The following SRGAP1 variants were observed in gnomAD, a reference collection of about 807,000 sequenced individuals.
SRGAP1 encodes the protein SLIT-ROBO Rho GTPase activating protein 1.
A neutral mutation model predicts 121.9 loss-of-function variants in SRGAP1; 43 were observed. The observed-to-expected ratio is 0.35, with a 90% CI of 0.28 to 0.46. The LOEUF (loss-of-function observed/expected upper bound fraction) is 0.46, where lower values mean the gene tolerates loss of function less well. SRGAP1 is among the 20% of genes least tolerant of loss of function. The pLI, the probability that SRGAP1 is intolerant of heterozygous loss-of-function variation, is 1.00. For synonymous variants in SRGAP1, 447 were observed against 485.4 expected (o/e 0.92, Z 1.04); for missense variants, 1,102 against 1,350.9 (o/e 0.82, Z 2.89).
At chr12:63,919,564 A>G (rs541627370) in intron 1 of SRGAP1, among the ~76,000 whole-genome samples, 16 of 151,038 alleles carry the variant, frequency 1.1e-4, no homozygotes, top group Non-Finnish European at 2.4e-4. Context: ...ATTATAAAGG[A>G]TAACAGTGTC....
intron 10 of SRGAP1, among the ~76,000 whole-genome samples, chr12:64,086,257 G>A (rs1230040524): frequency 6.6e-6 from 1 of 152,048 alleles, no homozygotes; most frequent in Non-Finnish European, 1.5e-5. Context: ...CCACTACTCC[G>A]CCCTAAATGT....
intron 1 of SRGAP1, among the ~76,000 whole-genome samples, chr12:63,914,503 A>G (rs1007658539): frequency 6.6e-6 from 1 of 152,230 alleles, no homozygotes; most frequent in Non-Finnish European, 1.5e-5. Context: ...GTCAAGAATT[A>G]TCTTTTTATG....
chr12:63,874,028 G>A (rs1201105653), intron 1 of SRGAP1, among the ~76,000 whole-genome samples: 1 of 151,154 alleles, frequency 6.6e-6, no homozygotes, highest in African/African-American at 2.4e-5. Context: ...GCGAGACTCT[G>A]TCAGAAAGAG....
intron 1 of SRGAP1, among the ~76,000 whole-genome samples, chr12:63,926,698 A>G (rs1279702382): frequency 6.6e-6 from 1 of 152,166 alleles, no homozygotes; most frequent in Admixed American, 6.5e-5. Context: ...TTATGGTGAG[A>G]CACTGGAAAT....
chr12:63,952,471 G>A (rs1254164213), intron 1 of SRGAP1, among the ~76,000 whole-genome samples: 1 of 152,120 alleles, frequency 6.6e-6, no homozygotes, highest in Non-Finnish European at 1.5e-5. Context: ...AGCTATGATT[G>A]TGCACTGCAC....
intron 1 of SRGAP1, among the ~76,000 whole-genome samples, chr12:63,944,054 A>G (rs2031956754): frequency 6.6e-6 from 1 of 152,166 alleles, no homozygotes; most frequent in South Asian, 2.1e-4. Context: ...GTAAGGAGGA[A>G]TGGGTAGCAA....
chr12:63,847,287 C>T (rs1021448224), intron 1 of SRGAP1, among the ~76,000 whole-genome samples: 2 of 152,138 alleles, frequency 1.3e-5, no homozygotes, highest in Admixed American at 6.6e-5. Context: ...CACATCACTG[C>T]ACTCCAGTCT....
At chr12:64,126,285 C>A in intron 19 of SRGAP1, 128 bp downstream of exon 19, 2 of 1,058,918 alleles carry the variant, frequency 1.9e-6, no homozygotes, top group Non-Finnish European at 2.6e-6. Flanking sequence ...CAGAGCTAGG[C>A]ACAGTTCCTT....
intron 4 of SRGAP1, among the ~76,000 whole-genome samples, chr12:64,034,198 ATCCTGC>A (rs372476487): frequency 0.13 from 20,503 of 152,006 alleles, 4,630 homozygotes; most frequent in African/African-American, 0.47. Flanking sequence ...GTTTAGCACC[ATCCTGC>A]TCGTGCTGTC....
chr12:63,902,657 TCA>T (rs1045987237), intron 1 of SRGAP1, among the ~76,000 whole-genome samples: 6 of 152,248 alleles, frequency 3.9e-5, no homozygotes, highest in African/African-American at 1.4e-4. Context: ...TTCTATTTCC[TCA>T]GTTTGCAGTT....
chr12:63,855,213 T>C (rs1899198125), intron 1 of SRGAP1, among the ~76,000 whole-genome samples: 1 of 152,174 alleles, frequency 6.6e-6, no homozygotes, highest in Admixed American at 6.5e-5. Flanking sequence ...AGATTTTAAG[T>C]ATTTCAGTGT....
chr12:64,027,906 G>A (rs1361967632), intron 4 of SRGAP1, among the ~76,000 whole-genome samples: 1 of 152,190 alleles, frequency 6.6e-6, no homozygotes, highest in Admixed American at 6.5e-5. Flanking sequence ...TTCTAAAGGT[G>A]TGGGTCTTTA....
At chr12:64,087,405 A>T (rs2035966803) in intron 11 of SRGAP1, among the ~76,000 whole-genome samples, 1 of 152,208 alleles carries the variant, frequency 6.6e-6, no homozygotes, top group African/African-American at 2.4e-5. Flanking sequence ...TAGAAAGTAC[A>T]ATTATTTTCT....
In SRGAP1 at chr12:64,086,984, A is replaced by AT; in HGVS notation, c.1409-8dup. 1.3e-6 allele frequency: 2 copies of AT among 1,591,152 alleles called. No individual in the cohort carries two copies. Among genetic ancestry groups the AT allele is most frequent in the African/African-American group, 1.3e-5 (1 of 74,558 alleles). ...ATTCCTTTCAGTTTACTTACTTTAA[A>AT]TTTTTTTCCTGCAGGTCATAGAGCT... On this transcript the variant is annotated splice_polypyrimidine_tract_variant and intron_variant, in intron 10 of 21. Transcript: ENST00000355086.
At chr12:63,912,378 C>T (rs575439214) in intron 1 of SRGAP1, among the ~76,000 whole-genome samples, 8 of 152,184 alleles carry the variant, frequency 5.3e-5, no homozygotes, top group East Asian at 3.9e-4. Flanking sequence ...GCAGCCAAGG[C>T]GAGAGAATCA....
chr12:63,963,410 C>G (rs1184899045), intron 1 of SRGAP1, among the ~76,000 whole-genome samples: 1 of 152,122 alleles, frequency 6.6e-6, no homozygotes, highest in Admixed American at 6.6e-5. Flanking sequence ...TAGTAGTATT[C>G]ATTTTTTAAT....
At chr12:64,097,100 A>T in intron 14 of SRGAP1, 141 bp from the exon 15 acceptor site, 1 of 835,288 alleles carries the variant, frequency 1.2e-6, no homozygotes, top group Non-Finnish European at 1.7e-6. Context: ...CAATTATTTT[A>T]ATTTTAGTAC....
intron 1 of SRGAP1, among the ~76,000 whole-genome samples, chr12:63,961,764 G>C (rs369831368): frequency 9.2e-5 from 14 of 152,214 alleles, no homozygotes; most frequent in East Asian, 7.7e-4. Flanking sequence ...TTACATTCCA[G>C]AAGGAGAAAG....
intron 1 of SRGAP1, among the ~76,000 whole-genome samples, chr12:63,881,268 C>T (rs1026817258): frequency 6.6e-6 from 1 of 152,106 alleles, no homozygotes; most frequent in Admixed American, 6.5e-5. Flanking sequence ...TTACAGTAAG[C>T]CATTTGTGGA....
Sources: gnomAD v4.1 joint callset for allele counts (sites outside exome capture counted in the v4.1 genomes callset) on GRCh38, gnomAD v4.1.1 for gene constraint, MANE v1.5 for transcripts, NCBI Gene and HGNC (gene_info 2026-07-23, HGNC 2026-07-21) for gene names.